The following EVL variants were observed in gnomAD, a reference collection of about 807,000 sequenced individuals.
The protein encoded by EVL is Enah/Vasp-like, also known as ena/VASP-like protein.
In EVL, 21 loss-of-function variants were observed where a neutral mutation model predicts 59.6. The ratio of observed to expected loss-of-function variants is 0.35; its 90% confidence interval spans 0.25 to 0.51. The LOEUF (loss-of-function observed/expected upper bound fraction) is 0.51. Ranked by LOEUF, EVL falls within the 20% of genes least tolerant of loss-of-function variation. EVL has a pLI of 0.97. For missense variants in EVL, 462 were observed against 546.6 expected, an observed-to-expected ratio of 0.85 and a Z score of 1.54; for synonymous variants, 198 against 203.5, an observed-to-expected ratio of 0.97 and a Z score of 0.23.
chr14:100,091,467 A>G (rs2181101), intron 2 of EVL, among the ~76,000 whole-genome samples: 42,330 of 152,046 alleles, frequency 0.28, 8,755 homozygotes, highest in African/African-American at 0.59. Flanking sequence ...CCCATCCAGT[A>G]AAGTCTCCAT....
intron 2 of EVL, among the ~76,000 whole-genome samples, chr14:100,093,012 G>T (rs2062597921): frequency 6.6e-6 from 1 of 152,210 alleles, no homozygotes; most frequent in African/African-American, 2.4e-5. Flanking sequence ...CACGTGTTCA[G>T]GTGGATCCTT....
At chr14:100,031,341 C>T (rs2061311897) in intron 1 of EVL, among the ~76,000 whole-genome samples, 1 of 152,098 alleles carries the variant, frequency 6.6e-6, no homozygotes, top group Admixed American at 6.5e-5. Flanking sequence ...CCTGGAAACC[C>T]TAGGTTCTAA....
In EVL at chr14:100,128,660, G is replaced by C; in HGVS notation, c.629G>C (p.Gly210Ala). 1 of 1,463,368 alleles carries C rather than the reference G, an allele frequency of 6.8e-7. No homozygotes were observed. The highest frequency in any genetic ancestry group is 9.2e-7 in the Non-Finnish European group (1 of 1,088,062). 90.6% of individuals were successfully genotyped at this position (1,463,368 alleles called of 1,614,324 possible). ...TPPPPPPLPAGGAQGSSHDES... is the reference protein window; with the variant it reads ...TPPPPPPLPAAGAQGSSHDES... ...CCTCCCCCACCCCCACTGCCAGCCG[G>C]AGGAGCCCAGGGGTCCAGCCACGAC... Residue 210 changes from glycine (G) to alanine (A), a missense_variant, in exon 6 of 14, where the codon GGA becomes GCA. Physicochemically the swap from Gly to Ala is moderately conservative, Grantham distance 60. Transcript: ENST00000392920.
chr14:100,081,589 T>C (rs1158696001), intron 1 of EVL, among the ~76,000 whole-genome samples: 1 of 151,440 alleles, frequency 6.6e-6, no homozygotes, highest in Admixed American at 6.6e-5. Context: ...AGGCATCTAG[T>C]GGCAAGCACA....
chr14:100,078,354 TG>T (rs1427073718), intron 1 of EVL, among the ~76,000 whole-genome samples: 1 of 151,688 alleles, frequency 6.6e-6, no homozygotes, highest in Non-Finnish European at 1.5e-5. Flanking sequence ...GAGAGCGAAG[TG>T]GAATGCCAGG....
At position 100,109,714 on chromosome 14, in the gene EVL, G is replaced by A. The variant is rs1213119939; in HGVS notation, c.358+12056G>A. 2 of 531,878 alleles carry A rather than the reference G, an allele frequency of 3.8e-6. No homozygotes were observed. Among genetic ancestry groups the A allele is most frequent in the East Asian group, 5.4e-5 (1 of 18,366 alleles). The allele number at this position is 531,878 out of a possible 1,614,324, so 32.9% of individuals were successfully genotyped here. A position where few individuals can be genotyped will look rare whatever the true frequency, so the allele number is the denominator to read the frequency against. ...ATTGAGGGACATGGTTAATGGAATT[G>A]TCTCACACAGAAATCGCACCCGTCA... On this transcript the variant is annotated intron_variant, in intron 3 of 13. Coordinates refer to ENST00000392920, the MANE Select transcript of EVL (RefSeq NM_016337.3). This position sits in a 1 kb window ranked among gnomAD's most constrained non-coding sequence, Gnocchi z 4.3.
At chr14:99,971,988 CCCG>C (rs563451637) in exon 1 of EVL, 178 of 147,890 alleles carry the variant, frequency 1.2e-3, no homozygotes, top group Non-Finnish European at 1.5e-3. Flanking sequence ...CGTCCCGCGC[CCCG>C]CCGCCGCCGC....
intron 2 of EVL, among the ~76,000 whole-genome samples, chr14:100,092,723 G>A (rs988393948): frequency 2.2e-4 from 34 of 152,156 alleles, no homozygotes; most frequent in Non-Finnish European, 3.7e-4. Flanking sequence ...TGACAGGAGC[G>A]AAACTCCATC....
chr14:100,065,331 G>T, upstream of EVL: 1 of 589,518 alleles, frequency 1.7e-6, no homozygotes. Context: ...TTTCACTTGG[G>T]TTTGTTTCCC....
chr14:100,077,174 A>G (rs1027671207), intron 1 of EVL, among the ~76,000 whole-genome samples: 16 of 152,164 alleles, frequency 1.1e-4, no homozygotes, highest in Non-Finnish European at 4.4e-5. Context: ...TGAGACTTCA[A>G]CCAGAGGCGG....
chr14:100,062,701 C>CT (rs2061858857), upstream of EVL, among the ~76,000 whole-genome samples: 1 of 152,136 alleles, frequency 6.6e-6, no homozygotes, highest in Non-Finnish European at 1.5e-5. Flanking sequence ...ATAGGACATA[C>CT]TTTAAATACA....
intron 13 of EVL, among the ~76,000 whole-genome samples, chr14:100,142,669 C>T (rs377602168): frequency 5.9e-5 from 9 of 152,140 alleles, no homozygotes; most frequent in East Asian, 1.9e-4. Context: ...CTCCCCCAGC[C>T]GGCCCACCCT....
At chr14:99,980,546 T>C (rs2060799631) in intron 1 of EVL, among the ~76,000 whole-genome samples, 1 of 152,224 alleles carries the variant, frequency 6.6e-6, no homozygotes, top group Non-Finnish European at 1.5e-5. Flanking sequence ...TTCTACAGAA[T>C]GCAGTGTGAT....
At chr14:100,022,639 C>T (rs2061145729) in intron 1 of EVL, among the ~76,000 whole-genome samples, 1 of 152,148 alleles carries the variant, frequency 6.6e-6, no homozygotes, top group Non-Finnish European at 1.5e-5. Flanking sequence ...ACTTATTGGA[C>T]TATGAATTCC....
At position 100,006,283 on chromosome 14, in the gene EVL, CTTTTTTTTT is replaced by C. The variant is rs1195149750; in HGVS notation, c.5+34237_5+34245del. Among the ~76,000 whole-genome samples, 3 of 132,182 alleles carry C rather than the reference CTTTTTTTTT, an allele frequency of 2.3e-5. No homozygotes were observed. The South Asian group carries it at 7.2e-4, about 32-fold the overall frequency. The allele number at this position is 132,182 out of a possible 152,430, so 86.7% of individuals were successfully genotyped here. A position where few individuals can be genotyped will look rare whatever the true frequency, so the allele number is the denominator to read the frequency against. On this transcript the variant is annotated intron_variant, in intron 1 of 13. Transcript: ENST00000402714. ...CAAATAAAACCAGCTGGTTGTTAATCTTTTTTTTTTTTTTTTTTTGAGACAGAGTTTCGT... is the reference window on the plus strand; with the variant it reads ...CAAATAAAACCAGCTGGTTGTTAATCTTTTTTTTTTGAGACAGAGTTTCGT...
At chr14:100,062,958 C>T (rs115305994), upstream of EVL, among the ~76,000 whole-genome samples, 1,445 of 152,150 alleles carry the variant, frequency 9.5e-3, 18 homozygotes, top group African/African-American at 0.033. Context: ...ATTAGCCAGG[C>T]ATGATGGTGT....
rs190726597 is a variant in EVL at position 100,095,971 on chromosome 14, G to A, written c.181-1510G>A. 6.9e-3 allele frequency among the ~76,000 whole-genome samples: 1,057 copies of A among 152,216 alleles called. 11 individuals are homozygous for A. Among genetic ancestry groups the A allele is most frequent in the African/African-American group, 0.024 (1,004 of 41,526 alleles). ...TTGAACTTCTGACCTCAGGTGATCC[G>A]CCCACCTTGGCCTCCCAAAGTCCTG... On this transcript the variant is annotated intron_variant, in intron 2 of 13. Transcript: ENST00000392920.
intron 1 of EVL, among the ~76,000 whole-genome samples, chr14:100,050,271 GA>G (rs1273312765): frequency 6.6e-6 from 1 of 152,088 alleles, no homozygotes; most frequent in Admixed American, 6.6e-5. Context: ...AACTTTAAAA[GA>G]AATGTCAACA....
intron 3 of EVL, among the ~76,000 whole-genome samples, chr14:100,117,271 A>T (rs1362856878): frequency 6.6e-6 from 1 of 152,220 alleles, no homozygotes; most frequent in African/African-American, 2.4e-5. Flanking sequence ...AGCTCCTGGG[A>T]TACCTCTCCC....
Sources: allele counts gnomAD v4.1 joint callset (sites outside exome capture counted in the v4.1 genomes callset), GRCh38; gene constraint gnomAD v4.1.1; non-coding constraint Gnocchi (gnomAD v3.1); transcripts MANE v1.5; gene names NCBI Gene and HGNC (gene_info 2026-07-23, HGNC 2026-07-21).